SHISA5: variants seen among roughly 807,000 people sequenced by gnomAD.
SHISA5 encodes protein shisa-5.
SHISA5 carries 21 observed loss-of-function variants against 27.5 expected under a neutral mutation model. The ratio of observed to expected loss-of-function variants is 0.76; its 90% CI spans 0.54 to 1.10. The LOEUF is 1.10. Among genes scored for constraint, SHISA5 ranks in the 50% least tolerant of loss-of-function variants. The probability of loss-of-function intolerance (pLI) is 0.00; values close to 1 mark genes in which losing one functional copy is unlikely to be tolerated. For synonymous variants in SHISA5, 137 were observed against 142.2 expected, an observed-to-expected ratio of 0.96 and a Z score of 0.26; for missense variants, 314 against 336.3, an observed-to-expected ratio of 0.93 and a Z score of 0.52.
rs1400273443 is a variant in SHISA5, at chr3:48,501,127, G to A, written c.233+10C>T. 1 of 1,606,778 alleles carries A rather than the reference G, an allele frequency of 6.2e-7. No individual in the cohort carries two copies. The highest frequency in any genetic ancestry group is 2.2e-5 in the East Asian group (1 of 44,532). ...AAGCCACCCACCCTGTGACCCACTGGTGCACCCACCTGGCCTCAGGCACAG... is the reference window on the plus strand; with the variant it reads ...AAGCCACCCACCCTGTGACCCACTGATGCACCCACCTGGCCTCAGGCACAG... On this transcript the variant is annotated intron_variant, in intron 2 of 5. Transcript: ENST00000296444.
rs563306081 is a variant in SHISA5 at position 48,502,266 on chromosome 3, C to T, written c.77-973G>A. On this transcript the variant is annotated intron_variant, in intron 1 of 5. Coordinates refer to ENST00000296444, the MANE Select transcript of SHISA5 (RefSeq NM_016479.6). Reference sequence around the variant, plus strand: ...ACTGCAGGGGCCTGGCTCTCACAGACCACCCCATAACCATGATGGCAGGCT... The same window carrying T: ...ACTGCAGGGGCCTGGCTCTCACAGATCACCCCATAACCATGATGGCAGGCT... 258 of 400,778 alleles carry T rather than the reference C, an allele frequency of 6.4e-4. 2 individuals carry two copies. Among genetic ancestry groups the T allele is most frequent in the Non-Finnish European group, 1.2e-3 (228 of 194,674 alleles). The allele number at this position is 400,778 out of a possible 1,614,324, so 24.8% of individuals were successfully genotyped here. A position where few individuals can be genotyped will look rare whatever the true frequency, so the allele number is the denominator to read the frequency against.
intron 2 of SHISA5, among the ~76,000 whole-genome samples, chr3:48,483,538 T>G (rs1415421202): frequency 6.6e-6 from 1 of 152,162 alleles, no homozygotes; most frequent in Non-Finnish European, 1.5e-5. Context: ...TTTCCCCACC[T>G]TTCCCCCTTT....
chr3:48,476,153 C>T (rs1346723367), intron 3 of SHISA5, among the ~76,000 whole-genome samples: 1 of 152,016 alleles, frequency 6.6e-6, no homozygotes, highest in Non-Finnish European at 1.5e-5. Flanking sequence ...CCAGTCTGGC[C>T]AACATGGTGA....
chr3:48,492,024 G>C (rs1483085287), intron 2 of SHISA5, among the ~76,000 whole-genome samples: 1 of 150,532 alleles, frequency 6.6e-6, no homozygotes, highest in Non-Finnish European at 1.5e-5. Context: ...TGTGAACAAG[G>C]CTTTGCACTT....
At position 48,485,271 on chromosome 3, in the gene SHISA5, G is replaced by A. The variant is rs763946372; in HGVS notation, c.234-6014C>T. On this transcript the variant is annotated intron_variant, in intron 2 of 5. Coordinates refer to ENST00000296444, the MANE Select transcript of SHISA5 (RefSeq NM_016479.6). ...AGCACTTTGGGAGGCCAAGGCGGGC[G>A]GATCACCTGAGGTCAGGAGTTCAAG... 4.0e-5 allele frequency among the ~76,000 whole-genome samples: 6 copies of A among 151,866 alleles called. No individual in the cohort carries two copies. The East Asian group carries it at 5.8e-4, about 15-fold the overall frequency.
Position 48,469,608 on chromosome 3 carries a change from T to A in SHISA5, c.431-35A>T, listed in dbSNP as rs768060799. On this transcript the variant is annotated intron_variant, in intron 4 of 5. Coordinates refer to ENST00000296444, the MANE Select transcript of SHISA5 (RefSeq NM_016479.6). The surrounding 1 kb of genome is among the most constrained non-coding windows in gnomAD (Gnocchi z 4.6). ...GAATTCCAGTCAGGACCCTCCTCCA[T>A]CTCCCCAGGTCTTGAGAGCCAGGCT... The A allele has an allele frequency of 6.3e-7, 1 of 1,592,848 alleles. No individual in the cohort carries two copies. Among genetic ancestry groups the A allele is most frequent in the Admixed American group, 1.7e-5 (1 of 58,518 alleles).
chr3:48,493,093 C>T, intron 2 of SHISA5, among the ~76,000 whole-genome samples: 1 of 143,742 alleles, frequency 7.0e-6, no homozygotes, highest in East Asian at 1.9e-4. Context: ...ATCTTGAAAA[C>T]GGCACAATGG....
rs1336105024 is a variant in SHISA5 at position 48,469,056 on chromosome 3, C to G, written c.*51G>C. 6.2e-7 allele frequency: 1 copy of G among 1,610,390 alleles called. No individual in the cohort carries two copies. Among genetic ancestry groups the G allele is most frequent in the South Asian group, 1.1e-5 (1 of 91,078 alleles). On this transcript the variant is annotated 3_prime_UTR_variant, in exon 6 of 6. Transcript: ENST00000296444. This position sits in a 1 kb window ranked among gnomAD's most constrained non-coding sequence, Gnocchi z 4.6. ...TAAGGAACCGCGCCTGCACACCACT[C>G]ACGCACACACACAACATAACCAAGT...
chr3:48,477,023 C>A, intron 3 of SHISA5: 1 of 441,846 alleles, frequency 2.3e-6, no homozygotes, highest in Non-Finnish European at 4.5e-6. Context: ...CCCAGGAAGC[C>A]ACTCCTCCTC....
intron 1 of SHISA5, chr3:48,503,714 AC>A: frequency 8.5e-7 from 1 of 1,179,680 alleles, no homozygotes; most frequent in East Asian, 4.0e-5. Flanking sequence ...CAGGCAGGGA[AC>A]CCTACCCTAG....
intron 2 of SHISA5, among the ~76,000 whole-genome samples, chr3:48,497,704 T>C (rs905994806): frequency 2.0e-5 from 3 of 151,638 alleles, no homozygotes; most frequent in Non-Finnish European, 2.9e-5. Context: ...CTGGGCAACA[T>C]AGGGAGACCC....
At chr3:48,488,939 C>T (rs2041336147) in intron 2 of SHISA5, among the ~76,000 whole-genome samples, 1 of 151,572 alleles carries the variant, frequency 6.6e-6, no homozygotes, top group African/African-American at 2.4e-5. Flanking sequence ...ACTGTAAATA[C>T]TAAGAGAGTA....
intron 2 of SHISA5, among the ~76,000 whole-genome samples, chr3:48,483,241 A>C (rs902781712): frequency 1.4e-4 from 22 of 152,242 alleles, no homozygotes; most frequent in African/African-American, 2.9e-4. Context: ...TGCGGCCTTC[A>C]GCAGTGTTTG....
chr3:48,494,491 C>T (rs1291640231), intron 2 of SHISA5, among the ~76,000 whole-genome samples: 2 of 146,814 alleles, frequency 1.4e-5, no homozygotes, highest in Non-Finnish European at 2.9e-5. Context: ...AACGTGGTTT[C>T]ACCATGTTGG....
intron 3 of SHISA5, chr3:48,477,013 C>A (rs561755273): frequency 2.3e-6 from 1 of 436,550 alleles, no homozygotes; most frequent in Non-Finnish European, 4.5e-6. Flanking sequence ...CTGCCACAAC[C>A]CCAGGAAGCC....
In SHISA5 at chr3:48,469,632, C is replaced by T. The variant is rs528066019; in HGVS notation, c.431-59G>A. 6 of 1,592,934 alleles carry T rather than the reference C, an allele frequency of 3.8e-6. No individual in the cohort carries two copies. The Admixed American group carries it at 5.2e-5, about 14-fold the overall frequency. On this transcript the variant is annotated intron_variant, in intron 4 of 5. Coordinates refer to ENST00000296444, the MANE Select transcript of SHISA5 (RefSeq NM_016479.6). This position sits in a 1 kb window ranked among gnomAD's most constrained non-coding sequence, Gnocchi z 4.6. The stretch of plus-strand genomic sequence containing the variant: ...ATCTCCCCAGGTCTTGAGAGCCAGG[C>T]TTGCCACCCATCCCTCCAGCTTAGC...
At chr3:48,503,641 C>T in intron 1 of SHISA5, 1 of 966,294 alleles carries the variant, frequency 1.0e-6, no homozygotes, top group Non-Finnish European at 1.3e-6. Context: ...TAAACAGAGG[C>T]AAAGAGGGAA....
intron 2 of SHISA5, among the ~76,000 whole-genome samples, chr3:48,493,183 C>A (rs1230421104): frequency 6.8e-6 from 1 of 147,458 alleles, no homozygotes; most frequent in Non-Finnish European, 1.5e-5. Context: ...AATCCTAGCA[C>A]TTTGGGAGGC....
At chr3:48,471,631 G>A (rs1489671957) in intron 3 of SHISA5, among the ~76,000 whole-genome samples, 1 of 148,018 alleles carries the variant, frequency 6.8e-6, no homozygotes, top group African/African-American at 2.5e-5. Context: ...AATAAAAAAC[G>A]GTTGGGTGCG....
Sources: allele counts gnomAD v4.1 joint callset (sites outside exome capture counted in the v4.1 genomes callset), GRCh38; gene constraint gnomAD v4.1.1; non-coding constraint Gnocchi (gnomAD v3.1); transcripts MANE v1.5; gene names NCBI Gene and HGNC (gene_info 2026-07-23, HGNC 2026-07-21).